The following PCDH7 variants were observed in gnomAD, a reference collection of about 807,000 sequenced individuals.
The protein encoded by PCDH7 is protocadherin-7.
A neutral mutation model predicts 58.9 loss-of-function variants in PCDH7; 17 were observed. The observed-to-expected ratio is 0.29, with a 90% CI of 0.20 to 0.43. The LOEUF is 0.43. Ranked by LOEUF, PCDH7 falls within the 20% of genes least tolerant of loss-of-function variation. The pLI is 1.00. For missense variants in PCDH7, 1,274 were observed against 1,441.0 expected (o/e 0.88, Z 1.88); for synonymous variants, 664 against 616.4 (o/e 1.08, Z -1.14).
chr4:31,054,205 A>G (rs1377146125), intron 3 of PCDH7, among the ~76,000 whole-genome samples: 1 of 152,124 alleles, frequency 6.6e-6, no homozygotes, highest in African/African-American at 2.4e-5. Flanking sequence ...AGCTCAAGCA[A>G]TCCACCTGCC....
chr4:30,854,856 G>A (rs915783685), intron 1 of PCDH7, among the ~76,000 whole-genome samples: 2 of 151,966 alleles, frequency 1.3e-5, no homozygotes, highest in Admixed American at 6.6e-5. Flanking sequence ...TGTTCAAGAA[G>A]TAAAATTTAC....
At chr4:30,863,531 A>G (rs1368472808) in intron 1 of PCDH7, among the ~76,000 whole-genome samples, 1 of 152,092 alleles carries the variant, frequency 6.6e-6, no homozygotes, top group Non-Finnish European at 1.5e-5. Context: ...TGCTTTACGT[A>G]TGTCTAACCT....
chr4:30,925,648 T>A (rs1743770559), intron 2 of PCDH7: 2 of 152,236 alleles, frequency 1.3e-5, no homozygotes, highest in South Asian at 4.1e-4. Context: ...TCACCTTTCC[T>A]GTCAATTGTG....
In PCDH7 at chr4:31,081,425, A is replaced by G. The variant is rs144059879; in HGVS notation, c.*8-61048A>G. Among the ~76,000 whole-genome samples, 133 of 152,324 alleles carry G rather than the reference A, an allele frequency of 8.7e-4. 3 individuals are homozygous for G. In the East Asian group the frequency reaches 0.025, roughly 29 times the overall value. On this transcript the variant is annotated intron_variant, in intron 3 of 3. Coordinates refer to the PCDH7 transcript ENST00000509759. The stretch of plus-strand genomic sequence containing the variant: ...ATATGCACATTTTGATCATTCTTAT[A>G]TAACATTTTATAAATGGAAATGTGA...
intron 3 of PCDH7, among the ~76,000 whole-genome samples, chr4:31,014,868 TACCCC>T (rs1753485104): frequency 6.6e-6 from 1 of 152,178 alleles, no homozygotes. Context: ...GCACAGGATT[TACCCC>T]TACCTGGCAA....
At chr4:30,876,486 A>T (rs533183492) in intron 1 of PCDH7, among the ~76,000 whole-genome samples, 1 of 152,230 alleles carries the variant, frequency 6.6e-6, no homozygotes, top group South Asian at 2.1e-4. Flanking sequence ...TGGTAATAGT[A>T]CAGATGCATT....
At chr4:30,852,861 C>T (rs78610444) in intron 1 of PCDH7, among the ~76,000 whole-genome samples, 1,996 of 145,692 alleles carry the variant, frequency 0.014, 59 homozygotes, top group East Asian at 0.13. Context: ...AAAGAAGGCT[C>T]TGTTTGAGAA....
intron 3 of PCDH7, among the ~76,000 whole-genome samples, chr4:31,110,102 T>C (rs1478087562): frequency 6.6e-6 from 1 of 152,208 alleles, no homozygotes; most frequent in Non-Finnish European, 1.5e-5. Context: ...CTCTGAATTG[T>C]TTATTTCACT....
rs144271260 is a variant in PCDH7, at chr4:30,770,570, C to A, written c.70+45974C>A. On this transcript the variant is annotated intron_variant, in intron 1 of 3. Transcript: ENST00000509759. Reference sequence around the variant, plus strand: ...TTCTGCCTTATAGATTCATTCACTGCAGTAACAGTAACTGAATGCCTACAT... The same window carrying A: ...TTCTGCCTTATAGATTCATTCACTGAAGTAACAGTAACTGAATGCCTACAT... 3.1e-3 allele frequency among the ~76,000 whole-genome samples: 468 copies of A among 152,280 alleles called. 4 individuals carry two copies. The highest frequency in any genetic ancestry group is 0.011 in the African/African-American group (444 of 41,570).
At chr4:31,078,266 T>A (rs1407269583) in intron 3 of PCDH7, among the ~76,000 whole-genome samples, 3 of 151,988 alleles carry the variant, frequency 2.0e-5, no homozygotes, top group Admixed American at 6.6e-5. Context: ...AGACTCAAAG[T>A]ACATAAAACC....
At chr4:30,728,030 A>G (rs897368202) in intron 1 of PCDH7, among the ~76,000 whole-genome samples, 1 of 151,760 alleles carries the variant, frequency 6.6e-6, no homozygotes, top group Non-Finnish European at 1.5e-5. Flanking sequence ...ATCCACTTGC[A>G]GCTGATCCTG....
intron 1 of PCDH7, among the ~76,000 whole-genome samples, chr4:30,913,727 T>G (rs1184455450): frequency 6.6e-6 from 1 of 152,190 alleles, no homozygotes; most frequent in African/African-American, 2.4e-5. Context: ...GCCTTCTTTC[T>G]GCAATCCAGA....
chr4:30,834,690 T>C (rs925851794), intron 1 of PCDH7, among the ~76,000 whole-genome samples: 1 of 151,956 alleles, frequency 6.6e-6, no homozygotes, highest in Non-Finnish European at 1.5e-5. Flanking sequence ...CTGAGTCTCT[T>C]CCAAGACATT....
chr4:30,746,390 G>C (rs1211081645), intron 1 of PCDH7, among the ~76,000 whole-genome samples: 2 of 152,152 alleles, frequency 1.3e-5, no homozygotes, highest in African/African-American at 4.8e-5. Context: ...AGCTTTGGTT[G>C]TAAGGCCCTG....
chr4:30,816,086 A>G (rs1301867341), intron 1 of PCDH7, among the ~76,000 whole-genome samples: 1 of 152,210 alleles, frequency 6.6e-6, no homozygotes, highest in East Asian at 1.9e-4. Flanking sequence ...AATTTCCATT[A>G]TTTTATAGAT....
chr4:31,093,607 C>CAT (rs35232001), intron 3 of PCDH7, among the ~76,000 whole-genome samples: 47,100 of 151,742 alleles, frequency 0.31, 7,554 homozygotes, highest in Middle Eastern at 0.4. Context: ...CACACACACA[C>CAT]ATTACTTGAA....
chr4:30,998,363 C>T (rs1416325892), intron 3 of PCDH7, among the ~76,000 whole-genome samples: 2 of 151,966 alleles, frequency 1.3e-5, no homozygotes, highest in Non-Finnish European at 2.9e-5. Context: ...TAAAATGGTA[C>T]AAGATAAGTT....
intron 3 of PCDH7, among the ~76,000 whole-genome samples, chr4:31,014,883 A>G (rs1335783261): frequency 6.6e-6 from 1 of 152,096 alleles, no homozygotes; most frequent in Non-Finnish European, 1.5e-5. Context: ...CTACCTGGCA[A>G]ATACTTGTTT....
At chr4:30,991,077 T>A (rs1229342537) in intron 3 of PCDH7, among the ~76,000 whole-genome samples, 1 of 152,190 alleles carries the variant, frequency 6.6e-6, no homozygotes, top group Admixed American at 6.5e-5. Flanking sequence ...TTTTTCACGA[T>A]ACACCGGGTT....
Sources: gnomAD v4.1 joint callset for allele counts (sites outside exome capture counted in the v4.1 genomes callset) on GRCh38, gnomAD v4.1.1 for gene constraint, MANE v1.5 for transcripts, NCBI Gene and HGNC (gene_info 2026-07-23, HGNC 2026-07-21) for gene names.